NKAIN3: variants seen among roughly 807,000 people sequenced by gnomAD.
NKAIN3 encodes the protein sodium/potassium-transporting ATPase subunit beta-1-interacting protein 3.
NKAIN3 carries 25 observed loss-of-function variants against 30.2 expected under a neutral mutation model. The ratio of observed to expected loss-of-function variants is 0.83; its 90% CI spans 0.60 to 1.16. The LOEUF (loss-of-function observed/expected upper bound fraction) is 1.16, where lower values mean the gene tolerates loss of function less well. NKAIN3 is among the 50% of genes most tolerant of loss of function. NKAIN3 has a pLI of 0.00. For missense variants in NKAIN3, 225 were observed against 254.1 expected (o/e 0.89, Z 0.78); for synonymous variants, 91 against 89.6 (o/e 1.02, Z -0.09).
chr8:62,432,657 C>T (rs181565023), intron 1 of NKAIN3, among the ~76,000 whole-genome samples: 1 of 152,118 alleles, frequency 6.6e-6, no homozygotes, highest in East Asian at 1.9e-4. Flanking sequence ...AGAGATGCAT[C>T]CCAGTCTAAA....
intron 4 of NKAIN3, among the ~76,000 whole-genome samples, chr8:62,797,931 T>G (rs1301259825): frequency 6.6e-6 from 1 of 152,188 alleles, no homozygotes; most frequent in Admixed American, 6.5e-5. Flanking sequence ...TGCCACAAAT[T>G]AATGAACTGC....
intron 3 of NKAIN3, among the ~76,000 whole-genome samples, chr8:62,674,501 G>A (rs1458987598): frequency 6.6e-6 from 1 of 152,196 alleles, no homozygotes; most frequent in African/African-American, 2.4e-5. Context: ...ATGAATGATT[G>A]CAGGTATCCT....
chr8:62,932,159 A>G (rs942531952), intron 5 of NKAIN3, among the ~76,000 whole-genome samples: 1 of 152,208 alleles, frequency 6.6e-6, no homozygotes, highest in Non-Finnish European at 1.5e-5. Flanking sequence ...TTGTCCTAAT[A>G]AACAAAACAA....
At chr8:62,948,017 A>C (rs1823173221) in intron 5 of NKAIN3, among the ~76,000 whole-genome samples, 1 of 152,308 alleles carries the variant, frequency 6.6e-6, no homozygotes, top group South Asian at 2.1e-4. Flanking sequence ...GCAATAGATA[A>C]CTAGAGCAAG....
At chr8:62,645,336 G>GT (rs1812429773) in intron 3 of NKAIN3, among the ~76,000 whole-genome samples, 1 of 152,054 alleles carries the variant, frequency 6.6e-6, no homozygotes, top group Non-Finnish European at 1.5e-5. Context: ...TTTGCAGTTT[G>GT]TAAGTAGAGA....
At chr8:62,425,442 CT>C (rs1804778105) in intron 1 of NKAIN3, among the ~76,000 whole-genome samples, 1 of 151,820 alleles carries the variant, frequency 6.6e-6, no homozygotes. Context: ...TGCTACAAAA[CT>C]CAAAGTTACA....
chr8:62,519,035 C>T (rs1348747627), intron 1 of NKAIN3, among the ~76,000 whole-genome samples: 1 of 149,524 alleles, frequency 6.7e-6, no homozygotes, highest in Non-Finnish European at 1.5e-5. Flanking sequence ...AAAATAAATG[C>T]TCCAAAATAT....
intron 3 of NKAIN3, among the ~76,000 whole-genome samples, chr8:62,591,140 T>C (rs1033182906): frequency 6.6e-6 from 1 of 151,952 alleles, no homozygotes; most frequent in African/African-American, 2.4e-5. Context: ...TGGATGGTCA[T>C]TTTAATCATA....
chr8:62,651,212 C>T (rs148006488), intron 3 of NKAIN3, among the ~76,000 whole-genome samples: 4 of 151,818 alleles, frequency 2.6e-5, no homozygotes, highest in African/African-American at 7.2e-5. Context: ...AATGCTGATA[C>T]ATTTTCATTT....
intron 3 of NKAIN3, among the ~76,000 whole-genome samples, chr8:62,718,946 G>C (rs1035029280): frequency 6.6e-6 from 1 of 152,062 alleles, no homozygotes; most frequent in Non-Finnish European, 1.5e-5. Flanking sequence ...CCTGTGGTAG[G>C]CATCGCACAT....
intron 1 of NKAIN3, among the ~76,000 whole-genome samples, chr8:62,262,945 A>G (rs1425448884): frequency 2.0e-5 from 3 of 152,170 alleles, no homozygotes; most frequent in African/African-American, 7.2e-5. Flanking sequence ...TGATTTTTAT[A>G]GCTCAGTTTT....
At chr8:62,486,194 T>C (rs1806896327) in intron 1 of NKAIN3, among the ~76,000 whole-genome samples, 1 of 151,876 alleles carries the variant, frequency 6.6e-6, no homozygotes, top group Non-Finnish European at 1.5e-5. Flanking sequence ...GCAAAGGAGA[T>C]TGAGAAAGTC....
At chr8:62,923,614 T>C (rs1420596066) in intron 5 of NKAIN3, among the ~76,000 whole-genome samples, 1 of 152,138 alleles carries the variant, frequency 6.6e-6, no homozygotes, top group Non-Finnish European at 1.5e-5. Flanking sequence ...GAACAAGAGC[T>C]TAATTTTGTA....
chr8:62,862,356 T>C (rs2130789181), intron 4 of NKAIN3, among the ~76,000 whole-genome samples: 1 of 151,946 alleles, frequency 6.6e-6, no homozygotes, highest in East Asian at 1.9e-4. Context: ...ATTTTCAATA[T>C]CACATAGAAA....
At chr8:62,500,303 G>C (rs563080435) in intron 1 of NKAIN3, among the ~76,000 whole-genome samples, 2 of 152,122 alleles carry the variant, frequency 1.3e-5, no homozygotes, top group Admixed American at 1.3e-4. Context: ...TCTTTTGGCA[G>C]TTGGAAGTTT....
At chr8:62,465,559 A>G (rs762688002) in intron 1 of NKAIN3, among the ~76,000 whole-genome samples, 18 of 152,296 alleles carry the variant, frequency 1.2e-4, no homozygotes, top group African/African-American at 2.9e-4. Context: ...TCATTTTCCT[A>G]TATTAATTTC....
intron 3 of NKAIN3, among the ~76,000 whole-genome samples, chr8:62,701,891 A>C (rs2130469672): frequency 6.6e-6 from 1 of 152,288 alleles, no homozygotes; most frequent in East Asian, 1.9e-4. Flanking sequence ...CGGGGGCTGA[A>C]GTCCACCTAC....
chr8:62,972,235 T>C lies in NKAIN3; in HGVS notation c.*6828T>C, dbSNP rs1000201951. On this transcript the variant is annotated 3_prime_UTR_variant, in exon 7 of 7. Coordinates refer to ENST00000623646, the MANE Select transcript of NKAIN3 (RefSeq NM_001304533.3). ...TTCTCTTATTTTCTCTCAGTATAAG[T>C]TGGACCTGTTTTTCCCTTCATCTCT... Among the ~76,000 whole-genome samples, 3 of 152,156 alleles carry C rather than the reference T, an allele frequency of 2.0e-5. No homozygotes were observed. Among genetic ancestry groups the C allele is most frequent in the Admixed American group, 1.3e-4 (2 of 15,264 alleles).
Position 62,760,841 on chromosome 8 carries a change from T to C in NKAIN3, c.471+13712T>C, listed in dbSNP as rs114730901. Among the ~76,000 whole-genome samples the C allele has an allele frequency of 4.6e-3, 699 of 152,046 alleles. 6 individuals are homozygous for C. Among genetic ancestry groups the C allele is most frequent in the African/African-American group, 0.016 (673 of 41,468 alleles). On this transcript the variant is annotated intron_variant, in intron 4 of 6. Coordinates refer to ENST00000623646, the MANE Select transcript of NKAIN3 (RefSeq NM_001304533.3). ...TTTAATCTATCACATAATTAAAAAA[T>C]AGTTTAATTTTAATTTAAGGAAGAG...
Sources: gnomAD v4.1 joint callset for allele counts (sites outside exome capture counted in the v4.1 genomes callset) on GRCh38, gnomAD v4.1.1 for gene constraint, MANE v1.5 for transcripts, NCBI Gene and HGNC (gene_info 2026-07-23, HGNC 2026-07-21) for gene names.